Variants in STPG2 observed in about 807,000 individuals in gnomAD.
The protein encoded by STPG2 is sperm tail PG-rich repeat containing 2, also known as sperm-tail PG-rich repeat-containing protein 2.
STPG2 carries 56 observed loss-of-function variants against 54.2 expected under a neutral mutation model. The ratio of observed to expected loss-of-function variants is 1.03; its 90% confidence interval spans 0.83 to 1.29. The LOEUF is 1.29. Among genes scored for constraint, STPG2 ranks in the 50% most tolerant of loss-of-function variants. The probability of loss-of-function intolerance (pLI) is 0.00; values close to 1 mark genes in which losing one functional copy is unlikely to be tolerated. For missense variants in STPG2, 596 were observed against 544.9 expected, an observed-to-expected ratio of 1.09 and a Z score of -0.93; for synonymous variants, 200 against 181.8, an observed-to-expected ratio of 1.10 and a Z score of -0.81.
chr4:97,991,465 A>G (rs111900188), intron 5 of STPG2, among the ~76,000 whole-genome samples: 36,340 of 140,678 alleles, frequency 0.26, 5,137 homozygotes, highest in Middle Eastern at 0.37. Flanking sequence ...GTGTGTATAT[A>G]TATATATGTA....
At chr4:98,007,748 A>G (rs1214108508) in intron 5 of STPG2, among the ~76,000 whole-genome samples, 2 of 150,348 alleles carry the variant, frequency 1.3e-5, no homozygotes, top group African/African-American at 4.9e-5. Context: ...GAAATTTACC[A>G]AACAGATAGA....
chr4:98,013,468 G>C (rs996538157), intron 5 of STPG2, among the ~76,000 whole-genome samples: 4 of 151,404 alleles, frequency 2.6e-5, no homozygotes, highest in Admixed American at 2.6e-4. Flanking sequence ...CATAAAACAA[G>C]TTAGGGAGGA....
At chr4:97,919,519 C>CA (rs566881971) in intron 8 of STPG2, among the ~76,000 whole-genome samples, 3 of 149,396 alleles carry the variant, frequency 2.0e-5, no homozygotes, top group East Asian at 2.0e-4. Context: ...TTCATAAACA[C>CA]AAAAAAAAGA....
At chr4:98,081,352 A>G (rs906260061) in intron 5 of STPG2, among the ~76,000 whole-genome samples, 5 of 152,126 alleles carry the variant, frequency 3.3e-5, no homozygotes, top group African/African-American at 7.2e-5. Flanking sequence ...ATTTTTTCCT[A>G]ATGCAAGGTA....
At chr4:97,653,250 ATGAG>A (rs1722125516) in intron 10 of STPG2, among the ~76,000 whole-genome samples, 1 of 152,020 alleles carries the variant, frequency 6.6e-6, no homozygotes, top group Admixed American at 6.6e-5. Flanking sequence ...GCAGCACAGA[ATGAG>A]AAAAGAAAGA....
At chr4:98,140,104 T>C (rs1740238494) in intron 1 of STPG2, among the ~76,000 whole-genome samples, 1 of 152,154 alleles carries the variant, frequency 6.6e-6, no homozygotes, top group Admixed American at 6.6e-5. Flanking sequence ...TCACTTTAGC[T>C]GAATCTCAAA....
chr4:97,447,463 G>T (rs1017751482), intron 4 of STPG2, among the ~76,000 whole-genome samples: 3 of 152,198 alleles, frequency 2.0e-5, no homozygotes, highest in African/African-American at 7.2e-5. Context: ...AGGCCTAGAG[G>T]CCTAGGAGGG....
chr4:97,547,372 G>A (rs1056197126), intron 4 of STPG2, among the ~76,000 whole-genome samples: 1 of 152,008 alleles, frequency 6.6e-6, no homozygotes, highest in African/African-American at 2.4e-5. Context: ...CACCACATCT[G>A]GCTAATTTCT....
intron 10 of STPG2, among the ~76,000 whole-genome samples, chr4:97,562,731 T>A (rs939385666): frequency 6.6e-6 from 1 of 152,238 alleles, no homozygotes; most frequent in East Asian, 1.9e-4. Context: ...TCTGTTTATA[T>A]GCTGGATTAC....
At chr4:97,744,197 C>A (rs1393459160) in intron 9 of STPG2, among the ~76,000 whole-genome samples, 1 of 151,284 alleles carries the variant, frequency 6.6e-6, no homozygotes, top group African/African-American at 2.4e-5. Context: ...TGACAATATT[C>A]TTTTCTTCTT....
intron 4 of STPG2, among the ~76,000 whole-genome samples, chr4:97,527,250 T>G (rs1408370189): frequency 6.6e-6 from 1 of 152,010 alleles, no homozygotes; most frequent in Admixed American, 6.6e-5. Context: ...ACATGTGGGG[T>G]TTGGTTTTCT....
chr4:97,540,143 A>T (rs1361473288), intron 4 of STPG2, among the ~76,000 whole-genome samples: 1 of 152,214 alleles, frequency 6.6e-6, no homozygotes, highest in Non-Finnish European at 1.5e-5. Flanking sequence ...GAACTGAAGG[A>T]GACAGAGACA....
At chr4:98,017,495 C>T (rs1359823264) in intron 5 of STPG2, among the ~76,000 whole-genome samples, 2 of 152,212 alleles carry the variant, frequency 1.3e-5, no homozygotes, top group Non-Finnish European at 2.9e-5. Flanking sequence ...ACACATTTCT[C>T]TGCACTATCC....
chr4:97,760,895 A>G (rs1032646898), intron 9 of STPG2, among the ~76,000 whole-genome samples: 2 of 152,158 alleles, frequency 1.3e-5, no homozygotes, highest in Non-Finnish European at 2.9e-5. Flanking sequence ...CATCCATGCC[A>G]TGCCTTTTCC....
intron 9 of STPG2, among the ~76,000 whole-genome samples, chr4:97,786,421 A>G (rs1225103169): frequency 1.3e-5 from 2 of 151,958 alleles, no homozygotes; most frequent in African/African-American, 2.4e-5. Flanking sequence ...TGATGTTGTC[A>G]TAAGTCACAT....
chr4:97,912,674 A>C (rs939131262), intron 8 of STPG2, among the ~76,000 whole-genome samples: 4 of 152,228 alleles, frequency 2.6e-5, no homozygotes, highest in Non-Finnish European at 5.9e-5. Context: ...CAAAGCCTCC[A>C]AGAAATTTGG....
At chr4:97,885,728 C>T (rs926912069) in intron 8 of STPG2, among the ~76,000 whole-genome samples, 4 of 152,088 alleles carry the variant, frequency 2.6e-5, no homozygotes, top group African/African-American at 9.7e-5. Flanking sequence ...AACATAGTTT[C>T]TGGAAGGTCA....
intron 7 of STPG2, among the ~76,000 whole-genome samples, chr4:97,968,444 GCAT>G (rs1734198240): frequency 6.6e-6 from 1 of 152,136 alleles, no homozygotes; most frequent in Non-Finnish European, 1.5e-5. Context: ...TATGAGGCCA[GCAT>G]CATCCTGATA....
intron 5 of STPG2, among the ~76,000 whole-genome samples, chr4:98,063,225 C>T (rs1010968023): frequency 4.6e-5 from 7 of 151,818 alleles, no homozygotes; most frequent in Admixed American, 3.3e-4. Context: ...CCTAGGTGGG[C>T]GGATCACAAG....
Sources: gnomAD v4.1 joint callset for allele counts (sites outside exome capture counted in the v4.1 genomes callset) on GRCh38, gnomAD v4.1.1 for gene constraint, MANE v1.5 for transcripts, NCBI Gene and HGNC (gene_info 2026-07-23, HGNC 2026-07-21) for gene names.